The following ZNF157 variants were observed in gnomAD, a reference collection of about 807,000 sequenced individuals.
The protein encoded by ZNF157 is zinc finger protein 22.
A neutral mutation model predicts 9.4 loss-of-function variants in ZNF157; 8 were observed. That is an observed-to-expected ratio of 0.85 (90% CI 0.50 to 1.53). ZNF157 has a LOEUF of 1.53. ZNF157 is among the 40% of genes most tolerant of loss of function. ZNF157 has a pLI of 0.00. For synonymous variants in ZNF157, 120 were observed against 130.8 expected (o/e 0.92, Z 0.56); for missense variants, 316 against 385.2 (o/e 0.82, Z 1.50).
At position 47,412,083 on chromosome X, in the gene ZNF157, C is replaced by T. The variant is rs775375090; in HGVS notation, c.296-286C>T. ...AAGTGATTCTCTTGCCTCAGCCTCC[C>T]GAGTAGCTGGGATTACAGGCGGGCA... On this transcript the variant is annotated intron_variant, in intron 3 of 3. Transcript: ENST00000377073. Among the ~76,000 whole-genome samples, 161 of 111,434 alleles carry T rather than the reference C, an allele frequency of 1.4e-3. No homozygotes were observed. The Middle Eastern group carries it at 0.023, about 16-fold the overall frequency.
chrX:47,386,971 G>T (rs1045687353), intron 1 of ZNF157, among the ~76,000 whole-genome samples: 41 of 109,879 alleles, frequency 3.7e-4, no homozygotes, highest in African/African-American at 1.2e-3. Flanking sequence ...TCTTTTTTTT[G>T]TTTTTGTTTT....
intron 1 of ZNF157, among the ~76,000 whole-genome samples, chrX:47,372,780 C>T (rs1031600010): frequency 9.1e-6 from 1 of 110,464 alleles, no homozygotes; most frequent in African/African-American, 3.3e-5. Context: ...TGGTGTGAGC[C>T]ACCATGCCCG....
chrX:47,387,886 C>CAAAAAAA (rs781763726), intron 1 of ZNF157, among the ~76,000 whole-genome samples: 2 of 34,534 alleles, frequency 5.8e-5, no homozygotes, highest in African/African-American at 1.2e-4. Context: ...GACTCTGTCT[C>CAAAAAAA]AAAAAAAAAA....
chrX:47,373,185 C>T (rs62592065), intron 1 of ZNF157, among the ~76,000 whole-genome samples: 9,967 of 100,554 alleles, frequency 0.099, 494 homozygotes, highest in Non-Finnish European at 0.15. Context: ...GGCAAAAGAG[C>T]GAGACTCTGT....
intron 1 of ZNF157, among the ~76,000 whole-genome samples, chrX:47,390,656 G>A (rs2055894596): frequency 8.9e-6 from 1 of 112,830 alleles, no homozygotes; most frequent in South Asian, 3.6e-4. Flanking sequence ...AGTGAGCCCA[G>A]ATTGCGCCAT....
rs745805795 is a variant in ZNF157, at chrX:47,410,686, G to T, written c.206G>T (p.Cys69Phe). 5.8e-6 allele frequency: 7 copies of T among 1,204,587 alleles called. No homozygotes were observed. ...TGCCATTTCCCATTAACAGGCCTCTGCGTGGCCAAACCAGAGATGATCTTC... is the reference window on the plus strand; with the variant it reads ...TGCCATTTCCCATTAACAGGCCTCTTCGTGGCCAAACCAGAGATGATCTTC... ...TYSNLASVGL[C>F]VAKPEMIFKL... The change falls in exon 3 of 4, where the codon TGC (cysteine) becomes TTC (phenylalanine). Residue 69 changes from cysteine to phenylalanine, a missense_variant. Coordinates refer to ENST00000377073, the MANE Select transcript of ZNF157 (RefSeq NM_003446.4).
chrX:47,411,776 G>T, intron 3 of ZNF157, among the ~76,000 whole-genome samples: 1 of 111,212 alleles, frequency 9.0e-6, no homozygotes, highest in Non-Finnish European at 1.9e-5. Flanking sequence ...TCAGTTATAT[G>T]CTGTGTATGT....
At chrX:47,382,282 CTT>C (rs764704009) in intron 1 of ZNF157, among the ~76,000 whole-genome samples, 1 of 53,355 alleles carries the variant, frequency 1.9e-5, no homozygotes, top group African/African-American at 8.7e-5. Context: ...TTCAACAGAA[CTT>C]TTTTTTTTTT....
chrX:47,379,801 G>A lies in ZNF157; in HGVS notation c.72+9061G>A, dbSNP rs149293340. ...TGTTGAAAAGACTTATTTCTTCACCGAATTTCTTTTGCTCCTTTGTCAATG... is the reference window on the plus strand; with the variant it reads ...TGTTGAAAAGACTTATTTCTTCACCAAATTTCTTTTGCTCCTTTGTCAATG... On this transcript the variant is annotated intron_variant, in intron 1 of 3. Transcript: ENST00000377073. 4.7e-3 allele frequency among the ~76,000 whole-genome samples: 452 copies of A among 95,203 alleles called. 3 individuals are homozygous for A. The highest frequency in any genetic ancestry group is 0.017 in the African/African-American group (428 of 24,547). The allele number at this position is 95,203 out of a possible 115,157, so 82.7% of individuals were successfully genotyped here.
intron 1 of ZNF157, chrX:47,392,221 C>T (rs1404355989): frequency 7.0e-6 from 1 of 143,462 alleles, no homozygotes; most frequent in Admixed American, 6.1e-5. Flanking sequence ...AGCAACAGAA[C>T]TGTTTGAGGA....
At chrX:47,377,950 C>T (rs1011005041) in intron 1 of ZNF157, among the ~76,000 whole-genome samples, 6 of 109,865 alleles carry the variant, frequency 5.5e-5, no homozygotes, top group African/African-American at 1.3e-4. Flanking sequence ...GTTCTTTGTA[C>T]GTTTTGGATA....
intron 1 of ZNF157, among the ~76,000 whole-genome samples, chrX:47,395,595 T>C (rs1001012921): frequency 2.5e-4 from 28 of 112,204 alleles, no homozygotes; most frequent in African/African-American, 8.7e-4. Context: ...TAAAAACACC[T>C]TCTTTTCCTC....
At chrX:47,388,414 A>G (rs1325092029) in intron 1 of ZNF157, among the ~76,000 whole-genome samples, 2 of 107,218 alleles carry the variant, frequency 1.9e-5, no homozygotes, top group African/African-American at 6.8e-5. Context: ...TTTTTGAGTC[A>G]GAGTCTTCCA....
At chrX:47,403,427 G>A (rs189350627) in intron 1 of ZNF157, among the ~76,000 whole-genome samples, 1 of 110,570 alleles carries the variant, frequency 9.0e-6, no homozygotes, top group East Asian at 2.9e-4. Context: ...TCGACTGCCT[G>A]GGCTCAGGTG....
At chrX:47,403,662 T>C (rs982004734) in intron 1 of ZNF157, among the ~76,000 whole-genome samples, 2 of 110,656 alleles carry the variant, frequency 1.8e-5, no homozygotes, top group African/African-American at 6.6e-5. Flanking sequence ...TATACAAAAA[T>C]CCAAAAGTTA....
At chrX:47,384,381 T>A (rs2055873379) in intron 1 of ZNF157, among the ~76,000 whole-genome samples, 1 of 111,968 alleles carries the variant, frequency 8.9e-6, no homozygotes, top group African/African-American at 3.2e-5. Context: ...GAAATCCCAA[T>A]GGAGGAATGT....
At chrX:47,395,741 G>C (rs1569258911) in intron 1 of ZNF157, among the ~76,000 whole-genome samples, 1 of 111,270 alleles carries the variant, frequency 9.0e-6, no homozygotes, top group Non-Finnish European at 1.9e-5. Flanking sequence ...GAGGTGGGAG[G>C]GTCACTTGAG....
chrX:47,413,480 C>A lies in ZNF157; in HGVS notation c.1407C>A (p.Pro469=). The change falls in exon 4 of 4, where the codon CCC becomes CCA. Residue 469 remains proline (P), a synonymous_variant. Coordinates refer to ENST00000377073, the MANE Select transcript of ZNF157 (RefSeq NM_003446.4). ...AGCGAATTCACACAGGAGAGAGACC[C>A]TTTGAGTGTCAAGAATGTGGGAAAG... ...EHQRIHTGER[P]FECQECGKAF... 1 of 1,211,954 alleles carries A rather than the reference C, an allele frequency of 8.3e-7. No homozygotes were observed.
At chrX:47,380,521 G>A (rs998405278) in intron 1 of ZNF157, among the ~76,000 whole-genome samples, 3 of 110,443 alleles carry the variant, frequency 2.7e-5, no homozygotes, top group Non-Finnish European at 3.8e-5. Flanking sequence ...ATGCTCACTT[G>A]AGGAGTTTTT....
Sources: gnomAD v4.1 joint callset for allele counts (sites outside exome capture counted in the v4.1 genomes callset) on GRCh38, gnomAD v4.1.1 for gene constraint, MANE v1.5 for transcripts, NCBI Gene and HGNC (gene_info 2026-07-23, HGNC 2026-07-21) for gene names.